TRNAU1AP: variants seen among roughly 807,000 people sequenced by gnomAD.
The protein encoded by TRNAU1AP is tRNA selenocysteine 1 associated protein 1.
A neutral mutation model predicts 43.3 loss-of-function variants in TRNAU1AP; 33 were observed. The ratio of observed to expected loss-of-function variants is 0.76; its 90% CI spans 0.58 to 1.02. TRNAU1AP has a LOEUF of 1.02. Among genes scored for constraint, TRNAU1AP ranks in the 50% least tolerant of loss-of-function variants. The probability of loss-of-function intolerance (pLI) is 0.00; values close to 1 mark genes in which losing one functional copy is unlikely to be tolerated. For synonymous variants in TRNAU1AP, 143 were observed against 129.1 expected (o/e 1.11, Z -0.73); for missense variants, 290 against 362.7 (o/e 0.80, Z 1.63).
intron 4 of TRNAU1AP, among the ~76,000 whole-genome samples, chr1:28,562,278 T>C (rs564651110): frequency 1.3e-5 from 2 of 152,354 alleles, no homozygotes; most frequent in South Asian, 2.1e-4. Flanking sequence ...ATTGAAGTAT[T>C]GTGTATAATA....
chr1:28,567,638 G>T (rs1319229385), intron 6 of TRNAU1AP, among the ~76,000 whole-genome samples: 1 of 152,152 alleles, frequency 6.6e-6, no homozygotes. Flanking sequence ...GATTTGGAAA[G>T]GCTGATGTAT....
At chr1:28,558,659 G>A (rs951765182) in intron 2 of TRNAU1AP, among the ~76,000 whole-genome samples, 2 of 150,900 alleles carry the variant, frequency 1.3e-5, no homozygotes, top group African/African-American at 2.4e-5. Context: ...CTGCCTCCTG[G>A]GTTCACGCCA....
intron 8 of TRNAU1AP, among the ~76,000 whole-genome samples, chr1:28,575,066 C>T (rs1665743909): frequency 1.3e-5 from 2 of 152,120 alleles, no homozygotes; most frequent in South Asian, 4.1e-4. Flanking sequence ...TAGTTGTTTC[C>T]CCCTGGGAGA....
intron 7 of TRNAU1AP, 31 bp from the exon 8 acceptor site, chr1:28,571,836 C>T: frequency 6.4e-7 from 1 of 1,574,764 alleles, no homozygotes; most frequent in Non-Finnish European, 8.6e-7. Flanking sequence ...TTTCACCATG[C>T]CCCTAACCCA....
At chr1:28,567,193 C>T in intron 5 of TRNAU1AP, 101 bp from the exon 6 acceptor site, 1 of 1,329,304 alleles carries the variant, frequency 7.5e-7, no homozygotes. Flanking sequence ...CTTTTCCTTT[C>T]TACATTCCTG....
intron 4 of TRNAU1AP, among the ~76,000 whole-genome samples, chr1:28,562,301 GA>G (rs1665429112): frequency 6.6e-6 from 1 of 152,128 alleles, no homozygotes; most frequent in African/African-American, 2.4e-5. Context: ...TAAAGTTGGG[GA>G]AAACCCAAAT....
At chr1:28,568,582 T>C (rs1665591046) in intron 6 of TRNAU1AP, among the ~76,000 whole-genome samples, 1 of 152,144 alleles carries the variant, frequency 6.6e-6, no homozygotes, top group South Asian at 2.1e-4. Flanking sequence ...GCCAGATCTT[T>C]TATCCTTTAG....
At chr1:28,566,657 G>A (rs1665546386) in intron 5 of TRNAU1AP, among the ~76,000 whole-genome samples, 1 of 151,832 alleles carries the variant, frequency 6.6e-6, no homozygotes, top group Admixed American at 6.6e-5. Flanking sequence ...TACTCTGGAG[G>A]CTGAGGCAGA....
At chr1:28,561,800 T>C (rs1054745589) in intron 4 of TRNAU1AP, among the ~76,000 whole-genome samples, 59 of 152,064 alleles carry the variant, frequency 3.9e-4, no homozygotes, top group Middle Eastern at 3.4e-3. Context: ...TGGCCGGGTG[T>C]GGTGGCTCAC....
chr1:28,557,609 A>G (rs1665296860), intron 2 of TRNAU1AP, among the ~76,000 whole-genome samples: 1 of 149,844 alleles, frequency 6.7e-6, no homozygotes, highest in Admixed American at 6.8e-5. Context: ...TTTTCTTTTG[A>G]GACAGAGTCT....
At chr1:28,567,529 C>T (rs1030188766) in intron 6 of TRNAU1AP, 116 bp downstream of exon 6, 5 of 1,229,288 alleles carry the variant, frequency 4.1e-6, no homozygotes, top group Non-Finnish European at 3.3e-6. Flanking sequence ...GGATCCAATT[C>T]AAGTCACAAG....
Position 28,564,847 on chromosome 1 carries a change from T to G in TRNAU1AP, c.410+13T>G. 1 of 1,613,954 alleles carries G rather than the reference T, an allele frequency of 6.2e-7. No homozygotes were observed. Among genetic ancestry groups the G allele is most frequent in the South Asian group, 1.1e-5 (1 of 91,030 alleles). On this transcript the variant is annotated intron_variant, in intron 5 of 8. Coordinates refer to ENST00000373830, the MANE Select transcript of TRNAU1AP (RefSeq NM_017846.5). ...CAGGCGTGTCTAAGTAAGGCCTTAC[T>G]TGTTACTGATGCTTAACTGTGTTAG...
chr1:28,555,287 C>G (rs1185516717), intron 2 of TRNAU1AP, among the ~76,000 whole-genome samples: 1 of 151,956 alleles, frequency 6.6e-6, no homozygotes, highest in African/African-American at 2.4e-5. Context: ...GTTATACATT[C>G]CTGGCTGAAA....
In TRNAU1AP at chr1:28,567,419, T is replaced by C. The variant is rs893812373; in HGVS notation, c.530+6T>C. On this transcript the variant is annotated splice_donor_region_variant and intron_variant, in intron 6 of 8. Coordinates refer to ENST00000373830, the MANE Select transcript of TRNAU1AP (RefSeq NM_017846.5). ...AGCGTGGCAATCCCTAAAGCGTGAG[T>C]CCTGCAGGGAAGGTAGAGAGACTCT... 1 of 1,597,022 alleles carries C rather than the reference T, an allele frequency of 6.3e-7. No individual in the cohort carries two copies. Among genetic ancestry groups the C allele is most frequent in the African/African-American group, 1.4e-5 (1 of 73,844 alleles).
chr1:28,571,338 GGT>G lies in TRNAU1AP; in HGVS notation c.693+1_693+2del. The stretch of plus-strand genomic sequence containing the variant: ...ATGGCTATACCCAGAGCACCATGCA[GGT>G]AACCATGACTTGGCAAGACTGGTCC... On this transcript the variant is annotated splice_donor_variant, in intron 7 of 8. Coordinates refer to ENST00000373830, the MANE Select transcript of TRNAU1AP (RefSeq NM_017846.5). LOFTEE classifies it high-confidence loss of function. 6.2e-7 allele frequency: 1 copy of G among 1,613,828 alleles called. No individual in the cohort carries two copies. The highest frequency in any genetic ancestry group is 8.5e-7 in the Non-Finnish European group (1 of 1,179,800).
chr1:28,567,999 A>T (rs1341674144), intron 6 of TRNAU1AP, among the ~76,000 whole-genome samples: 2 of 152,030 alleles, frequency 1.3e-5, no homozygotes. Flanking sequence ...CCTCATCTCT[A>T]CTAAAAATAC....
At chr1:28,553,244 C>A in intron 1 of TRNAU1AP, 107 bp downstream of exon 1, 1 of 1,228,792 alleles carries the variant, frequency 8.1e-7, no homozygotes, top group Non-Finnish European at 1.1e-6. Context: ...AAAGGGGAGA[C>A]GTGTGACGGG....
chr1:28,561,143 C>A, intron 3 of TRNAU1AP: 2 of 1,419,546 alleles, frequency 1.4e-6, no homozygotes, highest in Non-Finnish European at 9.2e-7. Flanking sequence ...CCAGCTGGCA[C>A]ACCTGGGCTC....
At chr1:28,575,422 A>G (rs552393430) in intron 8 of TRNAU1AP, among the ~76,000 whole-genome samples, 192 of 149,096 alleles carry the variant, frequency 1.3e-3, no homozygotes, top group African/African-American at 4.6e-3. Flanking sequence ...CAATGCTGGG[A>G]TTACAGGTGT....
Sources: allele counts gnomAD v4.1 joint callset (sites outside exome capture counted in the v4.1 genomes callset), GRCh38; gene constraint gnomAD v4.1.1; transcripts MANE v1.5; gene names NCBI Gene and HGNC (gene_info 2026-07-23, HGNC 2026-07-21).